The following GNAS-AS1 variants were observed in gnomAD, a reference collection of about 807,000 sequenced individuals.
The protein encoded by GNAS-AS1 is GNAS antisense RNA 1, also known as GNAS antisense RNA 1 (non-protein coding).
At chr20:58,846,903 C>T (rs189097110) in intron 2 of GNAS-AS1, among the ~76,000 whole-genome samples, 5 of 151,500 alleles carry the variant, frequency 3.3e-5, no homozygotes, top group African/African-American at 1.2e-4. Context: ...GCCAAATTTA[C>T]CTTCCGAGAT....
In GNAS-AS1 at chr20:58,840,450, C is replaced by A; in HGVS notation, n.819+1487G>T. ...TTCGACTACGAGACCGAGAGCGAGA[C>A]CGAGTCCGAAATCGAGTCCGAGACC... On this transcript the variant is annotated intron_variant and non_coding_transcript_variant, in intron 4 of 4. Coordinates refer to ENST00000424094, the Ensembl canonical transcript of GNAS-AS1. This position sits in a 1 kb window ranked among gnomAD's most constrained non-coding sequence, Gnocchi z 6.0. 6.2e-7 allele frequency: 1 copy of A among 1,613,494 alleles called. No homozygotes were observed.
chr20:58,840,141 G>A lies in GNAS-AS1; in HGVS notation n.819+1796C>T, dbSNP rs752831442. 2.5e-6 allele frequency: 4 copies of A among 1,611,350 alleles called. No homozygotes were observed. The highest frequency in any genetic ancestry group is 2.7e-5 in the African/African-American group (2 of 74,884). ...AGGTCCCGGGCTCAGCAGTGGCGCC[G>A]AGCTCGCCATAATTACAACGACCTG... On this transcript the variant is annotated intron_variant and non_coding_transcript_variant, in intron 4 of 4. Coordinates refer to ENST00000424094, the Ensembl canonical transcript of GNAS-AS1. This position sits in a 1 kb window ranked among gnomAD's most constrained non-coding sequence, Gnocchi z 6.0.
At chr20:58,830,455 TCACCACCACCA>T (rs1568900349) in intron 4 of GNAS-AS1, among the ~76,000 whole-genome samples, 2 of 15,290 alleles carry the variant, frequency 1.3e-4, no homozygotes, top group Non-Finnish European at 2.4e-4. Context: ...ACCACCACCA[TCACCACCACCA>T]CACCACCATC....
At chr20:58,834,530 C>T (rs1400420215) in intron 4 of GNAS-AS1, 2 of 152,262 alleles carry the variant, frequency 1.3e-5, no homozygotes, top group Non-Finnish European at 2.9e-5. Flanking sequence ...ATACAGAATG[C>T]CAAGCTCCAG....
chr20:58,839,840 C>G, intron 4 of GNAS-AS1: 1 of 595,704 alleles, frequency 1.7e-6, no homozygotes. Flanking sequence ...GAGAGGAGCC[C>G]GGGAGGAGAC....
At chr20:58,829,916 C>A (rs1275221439) in intron 4 of GNAS-AS1, among the ~76,000 whole-genome samples, 1 of 152,126 alleles carries the variant, frequency 6.6e-6, no homozygotes, top group Non-Finnish European at 1.5e-5. Flanking sequence ...CAGTGCCTCG[C>A]AGAGTACAGG....
chr20:58,847,723 C>T (rs1013671390), intron 2 of GNAS-AS1, among the ~76,000 whole-genome samples: 1 of 152,188 alleles, frequency 6.6e-6, no homozygotes, highest in African/African-American at 2.4e-5. Flanking sequence ...TACTGTTTTT[C>T]GTGGTTTCTG....
intron 4 of GNAS-AS1, among the ~76,000 whole-genome samples, chr20:58,832,532 T>G (rs2085574098): frequency 6.6e-6 from 1 of 152,164 alleles, no homozygotes. Flanking sequence ...GAGAAGGCAT[T>G]TGCCCCAGCA....
At chr20:58,822,466 T>A (rs1312494753) in intron 4 of GNAS-AS1, among the ~76,000 whole-genome samples, 1 of 152,154 alleles carries the variant, frequency 6.6e-6, no homozygotes, top group African/African-American at 2.4e-5. Context: ...GAGGCTCCAC[T>A]AGACCAGGAG....
exon 4 of GNAS-AS1, chr20:58,842,157 A>T: frequency 2.5e-6 from 1 of 398,826 alleles, no homozygotes; most frequent in Non-Finnish European, 4.4e-6. Flanking sequence ...ACCCAGCACA[A>T]AAACGGCAGC....
chr20:58,819,237 T>C (rs2085469108), exon 5 of GNAS-AS1: 2 of 398,490 alleles, frequency 5.0e-6, no homozygotes, highest in South Asian at 2.5e-4. Flanking sequence ...CCAGGGACCC[T>C]TGGAAGCAGA....
At chr20:58,830,085 G>T (rs1298375142) in intron 4 of GNAS-AS1, among the ~76,000 whole-genome samples, 1 of 151,858 alleles carries the variant, frequency 6.6e-6, no homozygotes, top group African/African-American at 2.4e-5. Context: ...TTTCTGCATG[G>T]CTGGGCTCCT....
intron 2 of GNAS-AS1, among the ~76,000 whole-genome samples, chr20:58,847,386 C>A (rs561017343): frequency 6.6e-6 from 1 of 152,220 alleles, no homozygotes; most frequent in Non-Finnish European, 1.5e-5. Flanking sequence ...GCTGCCTCCA[C>A]CGGCCAAGGC....
intron 4 of GNAS-AS1, among the ~76,000 whole-genome samples, chr20:58,832,594 C>T (rs896606615): frequency 6.6e-6 from 1 of 152,154 alleles, no homozygotes; most frequent in Non-Finnish European, 1.5e-5. Context: ...AGGGCAGTCA[C>T]GCTAAGATAC....
rs903043489 is a variant in GNAS-AS1 at position 58,840,904 on chromosome 20, A to T, written n.819+1033T>A. On this transcript the variant is annotated intron_variant and non_coding_transcript_variant, in intron 4 of 4. Transcript: ENST00000424094. The surrounding 1 kb of genome is among the most constrained non-coding windows in gnomAD (Gnocchi z 6.0). The stretch of plus-strand genomic sequence containing the variant: ...GGATTCAGGTTAGTTGCCCACCGCT[A>T]AACTGGGGAGCCTGAGGGCGGTGTG... The T allele has an allele frequency of 6.2e-7, 1 of 1,611,608 alleles. No homozygotes were observed. Among genetic ancestry groups the T allele is most frequent in the African/African-American group, 1.3e-5 (1 of 74,880 alleles).
chr20:58,830,401 T>A lies in GNAS-AS1; in HGVS notation n.820-11146A>T, dbSNP rs12625211. 4.2e-3 allele frequency among the ~76,000 whole-genome samples: 54 copies of A among 12,754 alleles called. 1 individual carries two copies. The highest frequency in any genetic ancestry group is 6.3e-3 in the Non-Finnish European group (40 of 6,316). The allele number at this position is 12,754 out of a possible 152,430, so 8.4% of individuals were successfully genotyped here. On this transcript the variant is annotated intron_variant and non_coding_transcript_variant, in intron 4 of 4. Coordinates refer to ENST00000424094, the Ensembl canonical transcript of GNAS-AS1. ...TCACCACAATCACCACCACCATCAC[T>A]GCCACACCACCATCACCACCACCGC... is the stretch of plus-strand genomic sequence containing the variant.
chr20:58,847,762 CCT>C (rs1399812710), intron 2 of GNAS-AS1, among the ~76,000 whole-genome samples: 3 of 152,192 alleles, frequency 2.0e-5, no homozygotes, highest in Admixed American at 6.5e-5. Context: ...ACCTCCCTTC[CCT>C]CTCTCTACTT....
chr20:58,826,850 C>T (rs2085523983), intron 4 of GNAS-AS1: 2 of 140,826 alleles, frequency 1.4e-5, no homozygotes, highest in Admixed American at 7.1e-5. Context: ...CAGGCGCGCG[C>T]CACCATGCCT....
At chr20:58,850,812 T>A (rs935491046) in exon 1 of GNAS-AS1, 12 of 398,604 alleles carry the variant, frequency 3.0e-5, no homozygotes, top group Non-Finnish European at 4.9e-5. Context: ...GTCCTCGTGG[T>A]CTTCCAGGCC....
Sources: allele counts gnomAD v4.1 joint callset (sites outside exome capture counted in the v4.1 genomes callset), GRCh38; gene constraint gnomAD v4.1.1; non-coding constraint Gnocchi (gnomAD v3.1); transcripts MANE v1.5; gene names NCBI Gene and HGNC (gene_info 2026-07-23, HGNC 2026-07-21).